The following RTN1 variants were observed in gnomAD, a reference collection of about 807,000 sequenced individuals.
RTN1 encodes reticulon-1.
Under a neutral mutation model 65.5 loss-of-function variants are expected in RTN1, and 25 were observed. That is an observed-to-expected ratio of 0.38 (90% CI 0.28 to 0.53). The LOEUF (loss-of-function observed/expected upper bound fraction) is 0.53, where lower values mean the gene tolerates loss of function less well. Among genes scored for constraint, RTN1 ranks in the 20% least tolerant of loss-of-function variants. The pLI is 0.79. For synonymous variants in RTN1, 471 were observed against 447.6 expected, an observed-to-expected ratio of 1.05 and a Z score of -0.66; for missense variants, 983 against 1,025.4, an observed-to-expected ratio of 0.96 and a Z score of 0.57.
intron 3 of RTN1, among the ~76,000 whole-genome samples, chr14:59,717,213 C>A (rs147587571): frequency 1.3e-5 from 2 of 152,186 alleles, no homozygotes; most frequent in Non-Finnish European, 2.9e-5. Flanking sequence ...GGGGCACATA[C>A]TCTGCTTTTG....
At chr14:59,681,333 T>C (rs1293356126) in intron 3 of RTN1, among the ~76,000 whole-genome samples, 3 of 152,224 alleles carry the variant, frequency 2.0e-5, no homozygotes, top group Non-Finnish European at 4.4e-5. Flanking sequence ...TTGATTCATA[T>C]GTTTTATTCC....
intron 3 of RTN1, among the ~76,000 whole-genome samples, chr14:59,679,278 T>C (rs1883694601): frequency 6.6e-6 from 1 of 152,212 alleles, no homozygotes; most frequent in Non-Finnish European, 1.5e-5. Context: ...AGTACAGCCC[T>C]CTCTGCTAAA....
chr14:59,736,737 C>T (rs1885008928), intron 2 of RTN1, among the ~76,000 whole-genome samples: 1 of 152,170 alleles, frequency 6.6e-6, no homozygotes, highest in South Asian at 2.1e-4. Flanking sequence ...AATAAAACTT[C>T]AGGCCAATAT....
intron 1 of RTN1, among the ~76,000 whole-genome samples, chr14:59,757,690 T>C (rs2139539449): frequency 1.3e-5 from 2 of 152,278 alleles, no homozygotes; most frequent in African/African-American, 4.8e-5. Flanking sequence ...GGAGATGCCA[T>C]CTATGAACCA....
rs1355941937 is a variant in RTN1 at position 59,794,473 on chromosome 14, C to A, written c.242-47992G>T. ...CAACAGATGTCTTTTTTGTTTTGAC[C>A]ATTCTGAATTGAGTTTCTGTTAGTT... On this transcript the variant is annotated intron_variant, in intron 1 of 8. Coordinates refer to ENST00000267484, the MANE Select transcript of RTN1 (RefSeq NM_021136.3). This position sits in a 1 kb window ranked among gnomAD's most constrained non-coding sequence, Gnocchi z 5.1. Among the ~76,000 whole-genome samples, 1 of 152,104 alleles carries A rather than the reference C, an allele frequency of 6.6e-6. No homozygotes were observed.
rs1887086346 is a variant in RTN1 at position 59,829,310 on chromosome 14, G to C, written c.241+41080C>G. Among the ~76,000 whole-genome samples the C allele has an allele frequency of 6.6e-6, 1 of 152,192 alleles. No individual in the cohort carries two copies. The highest frequency in any genetic ancestry group is 1.9e-4 in the East Asian group (1 of 5,188). On this transcript the variant is annotated intron_variant, in intron 1 of 8. Coordinates refer to ENST00000267484, the MANE Select transcript of RTN1 (RefSeq NM_021136.3). The surrounding 1 kb of genome is among the most constrained non-coding windows in gnomAD (Gnocchi z 4.3). ...GAAAAACATGCTGTTGCACAAAAGT[G>C]GGGGGAATCAAAATGTGATGGGTGT...
rs145985098 is a variant in RTN1 at position 59,745,915 on chromosome 14, C to T, written c.808G>A (p.Glu270Lys). ...FAPYIDDLSE[E>K]QRRAPQITTP... ...GTGATCTGAGGAGCCCTGCGCTGTTCTTCAGAGAGATCATCTATGTATGGA... is the reference window on the plus strand; with the variant it reads ...GTGATCTGAGGAGCCCTGCGCTGTTTTTCAGAGAGATCATCTATGTATGGA... Residue 270 changes from glutamate (E) to lysine (K), a missense_variant, in exon 2 of 9, where the codon GAA becomes AAA. By Grantham distance (56) the Glu-to-Lys change is moderately conservative (BLOSUM62 1). This residue lies in a region of RTN1 where 818 missense variants were observed against 801.8 expected (regional missense o/e 1.02). Coordinates refer to ENST00000267484, the MANE Select transcript of RTN1 (RefSeq NM_021136.3). 426 of 1,614,058 alleles carry T rather than the reference C, an allele frequency of 2.6e-4. 2 individuals carry two copies. In the East Asian group the frequency reaches 8.7e-3, roughly 33 times the overall value.
Position 59,596,160 on chromosome 14 carries a change from A to G in RTN1, c.*585T>C, listed in dbSNP as rs1881388137. ...AATCAGCCCACCAATCCCATACAAC[A>G]AAAGTACTGCATGTTTGTTTTGGAT... On this transcript the variant is annotated 3_prime_UTR_variant, in exon 9 of 9. Coordinates refer to ENST00000267484, the MANE Select transcript of RTN1 (RefSeq NM_021136.3). 1 of 152,422 alleles carries G rather than the reference A, an allele frequency of 6.6e-6. No homozygotes were observed. Among genetic ancestry groups the G allele is most frequent in the African/African-American group, 2.4e-5 (1 of 41,204 alleles). 9.4% of individuals were successfully genotyped at this position (152,422 alleles called of 1,614,324 possible).
Position 59,596,046 on chromosome 14 carries a change from C to T in RTN1, c.*699G>A, listed in dbSNP as rs907789701. Reference sequence around the variant, plus strand: ...TACATAAGTGCAAATATCCAGAGTCCGTAATTGAATCCATTAGGAACTACA... The same window carrying T: ...TACATAAGTGCAAATATCCAGAGTCTGTAATTGAATCCATTAGGAACTACA... On this transcript the variant is annotated 3_prime_UTR_variant, in exon 9 of 9. Coordinates refer to ENST00000267484, the MANE Select transcript of RTN1 (RefSeq NM_021136.3). 6.6e-5 allele frequency: 10 copies of T among 152,494 alleles called. No homozygotes were observed. The highest frequency in any genetic ancestry group is 2.1e-4 in the South Asian group (1 of 4,826). The allele number at this position is 152,494 out of a possible 1,614,324, so 9.4% of individuals were successfully genotyped here. A position where few individuals can be genotyped will look rare whatever the true frequency, so the allele number is the denominator to read the frequency against.
At chr14:59,740,963 C>A (rs543268426) in intron 2 of RTN1, among the ~76,000 whole-genome samples, 1 of 152,082 alleles carries the variant, frequency 6.6e-6, no homozygotes, top group South Asian at 2.1e-4. Flanking sequence ...GTGTTTGCTG[C>A]TGATGATAAT....
intron 3 of RTN1, among the ~76,000 whole-genome samples, chr14:59,709,428 T>C (rs549741796): frequency 1.3e-5 from 2 of 152,300 alleles, no homozygotes; most frequent in South Asian, 2.1e-4. Context: ...TTGTCTTCTT[T>C]AAAGGATAAT....
rs775424998 is a variant in RTN1 at position 59,603,924 on chromosome 14, G to GAA, written c.2113-5_2113-4dup. On this transcript the variant is annotated splice_region_variant and splice_polypyrimidine_tract_variant and intron_variant, in intron 5 of 8. Coordinates refer to ENST00000267484, the MANE Select transcript of RTN1 (RefSeq NM_021136.3). ...AGGAGCCACATCAGGACTGCAAACT[G>GAA]AAGAACGAAAGCATTATTAGAGCTC... The GAA allele has an allele frequency of 6.2e-7, 1 of 1,610,310 alleles. No homozygotes were observed. The highest frequency in any genetic ancestry group is 8.5e-7 in the Non-Finnish European group (1 of 1,177,200).
At chr14:59,776,411 C>G (rs1283851329) in intron 1 of RTN1, among the ~76,000 whole-genome samples, 2 of 152,126 alleles carry the variant, frequency 1.3e-5, no homozygotes, top group African/African-American at 2.4e-5. Context: ...CTTCTGCCTT[C>G]CACCATGCCA....
chr14:59,650,270 GA>G (rs1882995103), intron 3 of RTN1, among the ~76,000 whole-genome samples: 1 of 152,180 alleles, frequency 6.6e-6, no homozygotes, highest in Non-Finnish European at 1.5e-5. Context: ...GAAAGAAGAG[GA>G]AGAGCATTAG....
intron 3 of RTN1, among the ~76,000 whole-genome samples, chr14:59,694,490 A>G (rs1343849373): frequency 6.6e-6 from 1 of 152,234 alleles, no homozygotes; most frequent in East Asian, 1.9e-4. Context: ...TTTATATAAC[A>G]AAGCATAATT....
At chr14:59,848,013 C>A (rs1490029672) in intron 1 of RTN1, among the ~76,000 whole-genome samples, 1 of 152,180 alleles carries the variant, frequency 6.6e-6, no homozygotes, top group East Asian at 1.9e-4. Flanking sequence ...TGCTTCTAAG[C>A]CCCACTTCAT....
Position 59,643,262 on chromosome 14 carries a change from AT to A in RTN1, c.1766-35771del, listed in dbSNP as rs575213842. 1.9e-3 allele frequency among the ~76,000 whole-genome samples: 290 copies of A among 152,212 alleles called. 2 individuals are homozygous for A. The highest frequency in any genetic ancestry group is 6.7e-3 in the African/African-American group (280 of 41,568). ...TGTCTCTACAAAAAATAAAAAAAAA[AT>A]TCAGGCATGGTGCTGTGCACCTGTA... On this transcript the variant is annotated intron_variant, in intron 3 of 8. Transcript: ENST00000267484.
chr14:59,817,158 C>T (rs1041916780), intron 1 of RTN1, among the ~76,000 whole-genome samples: 2 of 151,874 alleles, frequency 1.3e-5, no homozygotes, highest in Admixed American at 6.6e-5. Context: ...ACTGGGGTTA[C>T]GAGCGTGATG....
chr14:59,777,500 C>T (rs1886074386), intron 1 of RTN1, among the ~76,000 whole-genome samples: 1 of 152,094 alleles, frequency 6.6e-6, no homozygotes, highest in Non-Finnish European at 1.5e-5. Flanking sequence ...CCCCTTCTTC[C>T]CTTTGGCCAT....
Sources: allele counts gnomAD v4.1 joint callset (sites outside exome capture counted in the v4.1 genomes callset), GRCh38; gene constraint gnomAD v4.1.1; regional missense constraint gnomAD v4.1.1; non-coding constraint Gnocchi (gnomAD v3.1); transcripts MANE v1.5; gene names NCBI Gene and HGNC (gene_info 2026-07-23, HGNC 2026-07-21).